Variants in TMEM263 observed in about 807,000 individuals in gnomAD.
TMEM263 encodes transmembrane protein 263.
TMEM263 carries 5 observed loss-of-function variants against 8.6 expected under a neutral mutation model. That is an observed-to-expected ratio of 0.58 (90% confidence interval 0.31 to 1.23). The LOEUF is 1.23. Ranked by LOEUF, TMEM263 falls within the 50% of genes most tolerant of loss-of-function variation. The pLI is 0.07. For missense variants in TMEM263, 104 were observed against 138.8 expected, an observed-to-expected ratio of 0.75 and a Z score of 1.26; for synonymous variants, 50 against 47.9, an observed-to-expected ratio of 1.04 and a Z score of -0.18.
rs758168717 is a variant in TMEM263 at position 106,971,080 on chromosome 12, G to A, written c.65-25G>A. On this transcript the variant is annotated intron_variant, in intron 3 of 3. Transcript: ENST00000280756. ...AAAGACTTGTGACTTATATTTGATT[G>A]TCTCATGATATTTTCTCTCATTAGG... is the stretch of plus-strand genomic sequence containing the variant. 1.2e-5 allele frequency: 20 copies of A among 1,609,544 alleles called. No homozygotes were observed. In the Admixed American group the frequency reaches 1.3e-4, roughly 11 times the overall value.
At chr12:106,965,789 T>A (rs1951836524) in intron 2 of TMEM263, among the ~76,000 whole-genome samples, 1 of 151,884 alleles carries the variant, frequency 6.6e-6, no homozygotes, top group South Asian at 2.1e-4. Context: ...CCATCTGTAT[T>A]GATATATACA....
chr12:106,960,159 T>G (rs1025850675), intron 2 of TMEM263, among the ~76,000 whole-genome samples: 3 of 152,026 alleles, frequency 2.0e-5, no homozygotes, highest in African/African-American at 7.2e-5. Flanking sequence ...CTCAGCCTCC[T>G]GAGTAGCTAG....
At chr12:106,957,778 A>G (rs1461605449) in intron 2 of TMEM263, among the ~76,000 whole-genome samples, 2 of 152,196 alleles carry the variant, frequency 1.3e-5, no homozygotes, top group Non-Finnish European at 2.9e-5. Context: ...TACTCGTCTA[A>G]GTGGGCACTT....
chr12:106,971,444 T>C lies in TMEM263; in HGVS notation c.*53T>C. The C allele has an allele frequency of 1.3e-6, 2 of 1,508,208 alleles. No homozygotes were observed. The highest frequency in any genetic ancestry group is 1.3e-5 in the South Asian group (1 of 75,458). 93.4% of individuals were successfully genotyped at this position (1,508,208 alleles called of 1,614,324 possible). On this transcript the variant is annotated 3_prime_UTR_variant, in exon 4 of 4. Coordinates refer to ENST00000280756, the MANE Select transcript of TMEM263 (RefSeq NM_152261.4). ...GCACTGTAATGCCAGTGGCATTGAA[T>C]TGCTAAATTATGGACTACAACCAAG...
intron 2 of TMEM263, among the ~76,000 whole-genome samples, chr12:106,964,148 G>A (rs1306780924): frequency 6.6e-6 from 1 of 152,060 alleles, no homozygotes; most frequent in Admixed American, 6.5e-5. Flanking sequence ...GGAAGTAAGT[G>A]GCTTCAAAAT....
chr12:106,966,951 GT>G, intron 2 of TMEM263, 159 bp from the exon 3 acceptor site: 2 of 581,550 alleles, frequency 3.4e-6, no homozygotes, highest in Non-Finnish European at 6.0e-6. Flanking sequence ...AAATGCCGCA[GT>G]TTGAAGTAGG....
Position 106,972,546 on chromosome 12 carries a change from A to G in TMEM263, c.*1155A>G, listed in dbSNP as rs928323989. On this transcript the variant is annotated 3_prime_UTR_variant, in exon 4 of 4. Coordinates refer to ENST00000280756, the MANE Select transcript of TMEM263 (RefSeq NM_152261.4). ...AGTGGTTTATATAGGCTTTAAAAAC[A>G]TGTTATCTTACAGTCCTTTAAAGCA... 6 of 152,164 alleles carry G rather than the reference A, an allele frequency of 3.9e-5. No homozygotes were observed. In the East Asian group the frequency reaches 1.2e-3, roughly 29 times the overall value. The allele number at this position is 152,164 out of a possible 1,614,324, so 9.4% of individuals were successfully genotyped here. A position where few individuals can be genotyped will look rare whatever the true frequency, so the allele number is the denominator to read the frequency against.
At chr12:106,965,585 G>A (rs1293896656) in intron 2 of TMEM263, among the ~76,000 whole-genome samples, 3 of 145,212 alleles carry the variant, frequency 2.1e-5, no homozygotes, top group South Asian at 2.2e-4. Context: ...CAGCCTGGGC[G>A]ACAGAGTGAG....
chr12:106,963,036 T>G (rs1951800140), intron 2 of TMEM263, among the ~76,000 whole-genome samples: 1 of 152,088 alleles, frequency 6.6e-6, no homozygotes, highest in Non-Finnish European at 1.5e-5. Flanking sequence ...TATAAGGTGG[T>G]CAGGGGACAT....
chr12:106,958,245 C>T (rs1455191797), intron 2 of TMEM263, among the ~76,000 whole-genome samples: 1 of 151,920 alleles, frequency 6.6e-6, no homozygotes, highest in African/African-American at 2.4e-5. Flanking sequence ...TATTTAACTT[C>T]CTTTGGTGTA....
chr12:106,972,002 A>T lies in TMEM263; in HGVS notation c.*611A>T, dbSNP rs751063928. 2 of 152,646 alleles carry T rather than the reference A, an allele frequency of 1.3e-5. No individual in the cohort carries two copies. The highest frequency in any genetic ancestry group is 2.9e-5 in the Non-Finnish European group (2 of 68,032). 9.5% of individuals were successfully genotyped at this position (152,646 alleles called of 1,614,324 possible). On this transcript the variant is annotated 3_prime_UTR_variant, in exon 4 of 4. Coordinates refer to ENST00000280756, the MANE Select transcript of TMEM263 (RefSeq NM_152261.4). Reference sequence around the variant, plus strand: ...AATCATTGATGCCTTACAAAAGAAAACATCTTTTCTAATACCCTGAATATG... The same window carrying T: ...AATCATTGATGCCTTACAAAAGAAATCATCTTTTCTAATACCCTGAATATG...
Position 106,957,124 on chromosome 12 carries a change from C to T in TMEM263, c.-32C>T. On this transcript the variant is annotated 5_prime_UTR_variant, in exon 2 of 4. Transcript: ENST00000280756. ...GGTGTGAGTGCCCTCAGGGGTTCCC[C>T]AGGAATATCGATACAACACCAACAG... 1 of 985,646 alleles carries T rather than the reference C, an allele frequency of 1.0e-6. No individual in the cohort carries two copies. Among genetic ancestry groups the T allele is most frequent in the Non-Finnish European group, 1.2e-6 (1 of 830,290 alleles). The allele number at this position is 985,646 out of a possible 1,614,324, so 61.1% of individuals were successfully genotyped here. A position where few individuals can be genotyped will look rare whatever the true frequency, so the allele number is the denominator to read the frequency against.
intron 3 of TMEM263, among the ~76,000 whole-genome samples, chr12:106,970,624 C>T (rs1289454898): frequency 6.6e-6 from 1 of 151,978 alleles, no homozygotes; most frequent in Non-Finnish European, 1.5e-5. Context: ...CCTTGTAGAC[C>T]CCCTGAAATG....
chr12:106,971,175 T>TA lies in TMEM263; in HGVS notation c.136dup (p.Thr46AsnfsTer71). ...GTGTGACTGGGGGTATCTTCAGTGT[T>TA]ACAAAGGGAGCTGTTGGTGCCACCA... On this transcript the variant is annotated frameshift_variant, in exon 4 of 4. Coordinates refer to ENST00000280756, the MANE Select transcript of TMEM263 (RefSeq NM_152261.4). LOFTEE classifies it high-confidence loss of function. The TA allele has an allele frequency of 6.2e-7, 1 of 1,614,244 alleles. No homozygotes were observed. Among genetic ancestry groups the TA allele is most frequent in the Non-Finnish European group, 8.5e-7 (1 of 1,180,046 alleles).
chr12:106,966,050 G>T (rs962684937), intron 2 of TMEM263, among the ~76,000 whole-genome samples: 1 of 152,148 alleles, frequency 6.6e-6, no homozygotes, highest in African/African-American at 2.4e-5. Context: ...AAAATCGTGT[G>T]TTGTGGGGGT....
rs181948613 is a variant in TMEM263 at position 106,973,008 on chromosome 12, G to T, written c.*1617G>T. The T allele has an allele frequency of 6.6e-6, 1 of 151,862 alleles. No homozygotes were observed. Among genetic ancestry groups the T allele is most frequent in the South Asian group, 2.1e-4 (1 of 4,822 alleles). 9.4% of individuals were successfully genotyped at this position (151,862 alleles called of 1,614,324 possible). A position where few individuals can be genotyped will look rare whatever the true frequency, so the allele number is the denominator to read the frequency against. ...TAAAATACTTGAGAATTACATTAAT[G>T]TGGAATCAACAGATGCAGAAGAATA... On this transcript the variant is annotated 3_prime_UTR_variant, in exon 4 of 4. Coordinates refer to ENST00000280756, the MANE Select transcript of TMEM263 (RefSeq NM_152261.4).
rs1470024995 is a variant in TMEM263 at position 106,972,819 on chromosome 12, T to C, written c.*1428T>C. The C allele has an allele frequency of 1.3e-5, 2 of 152,040 alleles. No individual in the cohort carries two copies. Among genetic ancestry groups the C allele is most frequent in the African/African-American group, 2.4e-5 (1 of 41,416 alleles). 9.4% of individuals were successfully genotyped at this position (152,040 alleles called of 1,614,324 possible). On this transcript the variant is annotated 3_prime_UTR_variant, in exon 4 of 4. Transcript: ENST00000280756. ...TCCAAGCCTGGGAAAATCTTAAATT[T>C]CTTTTTACTTAAATCTGGAAATTTG...
At chr12:106,968,319 T>C (rs1951872078) in intron 3 of TMEM263, among the ~76,000 whole-genome samples, 1 of 151,282 alleles carries the variant, frequency 6.6e-6, no homozygotes, top group South Asian at 2.1e-4. Context: ...GAGATTGCAG[T>C]GAGCTAAGAT....
In TMEM263 at chr12:106,971,495, T is replaced by C; in HGVS notation, c.*104T>C. On this transcript the variant is annotated 3_prime_UTR_variant, in exon 4 of 4. Transcript: ENST00000280756. ...TCAACTGTTTTGGACGTTTATCTTC[T>C]AAACTGCTGTGTTGAAAGTATTGAT... 2 of 1,171,208 alleles carry C rather than the reference T, an allele frequency of 1.7e-6. No individual in the cohort carries two copies. Among genetic ancestry groups the C allele is most frequent in the Non-Finnish European group, 2.4e-6 (2 of 844,840 alleles). 72.6% of individuals were successfully genotyped at this position (1,171,208 alleles called of 1,614,324 possible). A position where few individuals can be genotyped will look rare whatever the true frequency, so the allele number is the denominator to read the frequency against.
Sources: gnomAD v4.1 joint callset for allele counts (sites outside exome capture counted in the v4.1 genomes callset) on GRCh38, gnomAD v4.1.1 for gene constraint, MANE v1.5 for transcripts, NCBI Gene and HGNC (gene_info 2026-07-23, HGNC 2026-07-21) for gene names.